Variants in KCNIP1 observed in about 807,000 individuals in gnomAD.
KCNIP1 encodes the protein A-type potassium channel modulatory protein KCNIP1.
Under a neutral mutation model 33.0 loss-of-function variants are expected in KCNIP1, and 18 were observed. The ratio of observed to expected loss-of-function variants is 0.55; its 90% CI spans 0.38 to 0.81. The LOEUF is 0.81. Ranked by LOEUF, KCNIP1 falls within the 30% of genes least tolerant of loss-of-function variation. The probability of loss-of-function intolerance (pLI) is 0.00; values close to 1 mark genes in which losing one functional copy is unlikely to be tolerated. For synonymous variants in KCNIP1, 93 were observed against 98.3 expected (o/e 0.95, Z 0.32); for missense variants, 238 against 271.6 (o/e 0.88, Z 0.87).
intron 1 of KCNIP1, among the ~76,000 whole-genome samples, chr5:170,672,480 A>G (rs1265112280): frequency 6.6e-6 from 1 of 152,278 alleles, no homozygotes; most frequent in Non-Finnish European, 1.5e-5. Context: ...AAGGATGTTC[A>G]GTGTGGCTGA....
intron 1 of KCNIP1, among the ~76,000 whole-genome samples, chr5:170,520,772 G>A (rs142340124): frequency 1.3e-5 from 2 of 152,344 alleles, no homozygotes; most frequent in East Asian, 3.9e-4. Context: ...GGGCTGACAT[G>A]CATTGCCCCT....
chr5:170,556,039 G>T (rs879903929), intron 1 of KCNIP1, among the ~76,000 whole-genome samples: 14 of 152,178 alleles, frequency 9.2e-5, no homozygotes, highest in Non-Finnish European at 1.5e-4. Context: ...CTGCAACAAT[G>T]ACAATCACAA....
chr5:170,368,248 T>TTTTGTTTGTTTG (rs59715597), intron 1 of KCNIP1, among the ~76,000 whole-genome samples: 22 of 151,560 alleles, frequency 1.5e-4, no homozygotes, highest in East Asian at 7.7e-4. Context: ...TTTTTAAAGT[T>TTTTGTTTGTTTG]TTTGTTTGTT....
intron 1 of KCNIP1, among the ~76,000 whole-genome samples, chr5:170,435,645 ATG>A (rs1173831645): frequency 6.6e-6 from 1 of 152,176 alleles, no homozygotes; most frequent in Non-Finnish European, 1.5e-5. Flanking sequence ...CTGCCTTGTT[ATG>A]TGATTATGGA....
chr5:170,378,773 G>A (rs753110597), intron 1 of KCNIP1: 42 of 1,614,072 alleles, frequency 2.6e-5, no homozygotes, highest in Admixed American at 1.5e-4. Flanking sequence ...GGAGGCCACC[G>A]GTCAGCAGGA....
At chr5:170,419,743 C>T (rs1159171001) in intron 1 of KCNIP1, among the ~76,000 whole-genome samples, 1 of 152,194 alleles carries the variant, frequency 6.6e-6, no homozygotes, top group Non-Finnish European at 1.5e-5. Flanking sequence ...TTAATAATTG[C>T]ATTGGGACGC....
rs1409192732 is a variant in KCNIP1 at position 170,489,857 on chromosome 5, C to G, written c.88+135893C>G. Among the ~76,000 whole-genome samples, 3 of 152,152 alleles carry G rather than the reference C, an allele frequency of 2.0e-5. No individual in the cohort carries two copies. The highest frequency in any genetic ancestry group is 2.0e-4 in the Admixed American group (3 of 15,278). ...AAAGAAACTGGAGAACTGAGGGTCT[C>G]CCCCAGGTCTGCCCTCCAACTGCCC... On this transcript the variant is annotated intron_variant, in intron 1 of 7. Transcript: ENST00000377360. The surrounding 1 kb of genome is among the most constrained non-coding windows in gnomAD (Gnocchi z 4.3).
intron 1 of KCNIP1, among the ~76,000 whole-genome samples, chr5:170,390,512 AAACAAATAT>A (rs1294591122): frequency 7.7e-5 from 6 of 78,056 alleles, no homozygotes; most frequent in South Asian, 5.8e-4. Context: ...CAAAAAAAAA[AAACAAATAT>A]ATATATATAT....
chr5:170,520,704 C>A (rs997993584), intron 1 of KCNIP1, among the ~76,000 whole-genome samples: 1 of 152,176 alleles, frequency 6.6e-6, no homozygotes, highest in Non-Finnish European at 1.5e-5. Context: ...TGGAGATAAA[C>A]CCTCCTCACT....
At chr5:170,538,997 G>A (rs1436488033) in intron 1 of KCNIP1, among the ~76,000 whole-genome samples, 3 of 151,910 alleles carry the variant, frequency 2.0e-5, no homozygotes, top group African/African-American at 7.3e-5. Context: ...TTCTGGGGGT[G>A]TCATTCATTC....
chr5:170,460,662 A>G (rs1430194455), intron 1 of KCNIP1, among the ~76,000 whole-genome samples: 1 of 152,212 alleles, frequency 6.6e-6, no homozygotes, highest in Non-Finnish European at 1.5e-5. Context: ...TAAAACTCTC[A>G]GCAAAATTGG....
intron 1 of KCNIP1, among the ~76,000 whole-genome samples, chr5:170,538,589 A>G (rs934404698): frequency 2.0e-5 from 3 of 151,490 alleles, no homozygotes; most frequent in Admixed American, 6.6e-5. Flanking sequence ...ATTCTTACCC[A>G]TTCTCAGTCC....
At chr5:170,487,574 T>C (rs1466996235) in intron 1 of KCNIP1, among the ~76,000 whole-genome samples, 1 of 148,928 alleles carries the variant, frequency 6.7e-6, no homozygotes, top group Non-Finnish European at 1.5e-5. Flanking sequence ...CAGGCTGGAG[T>C]GCAGTGAAGT....
chr5:170,496,155 G>T (rs536885196), intron 1 of KCNIP1, among the ~76,000 whole-genome samples: 3 of 152,160 alleles, frequency 2.0e-5, no homozygotes, highest in African/African-American at 7.2e-5. Flanking sequence ...AAGACCCTGC[G>T]TGCACCCTGG....
At chr5:170,658,515 T>C (rs1761357253) in intron 1 of KCNIP1, among the ~76,000 whole-genome samples, 1 of 152,218 alleles carries the variant, frequency 6.6e-6, no homozygotes, top group East Asian at 1.9e-4. Flanking sequence ...AGGGGAAAAG[T>C]ATTCAAACTA....
intron 1 of KCNIP1, chr5:170,377,234 C>T (rs1462604446): frequency 6.6e-6 from 1 of 152,230 alleles, no homozygotes; most frequent in Non-Finnish European, 1.5e-5. Flanking sequence ...CCACAGAATC[C>T]CCTACGCATT....
intron 1 of KCNIP1, among the ~76,000 whole-genome samples, chr5:170,368,367 T>G (rs1763754181): frequency 6.6e-6 from 1 of 152,114 alleles, no homozygotes; most frequent in African/African-American, 2.4e-5. Flanking sequence ...TGGGTTCAAG[T>G]GATTCTTGTG....
chr5:170,669,618 T>C (rs1761841170), intron 1 of KCNIP1: 1 of 985,442 alleles, frequency 1.0e-6, no homozygotes, highest in African/African-American at 1.7e-5. Flanking sequence ...CAGAAGGTTA[T>C]ACCATTTTAG....
At chr5:170,683,692 G>A (rs553071566) in intron 1 of KCNIP1, among the ~76,000 whole-genome samples, 2 of 151,736 alleles carry the variant, frequency 1.3e-5, no homozygotes, top group Admixed American at 6.6e-5. Flanking sequence ...TCTTCCTTCG[G>A]CCCTTGATCT....
Sources: allele counts gnomAD v4.1 joint callset (sites outside exome capture counted in the v4.1 genomes callset), GRCh38; gene constraint gnomAD v4.1.1; non-coding constraint Gnocchi (gnomAD v3.1); transcripts MANE v1.5; gene names NCBI Gene and HGNC (gene_info 2026-07-23, HGNC 2026-07-21).